OXNAD1: variants seen among roughly 807,000 people sequenced by gnomAD.
OXNAD1 encodes the protein oxidoreductase NAD-binding domain-containing protein 1.
OXNAD1 carries 34 observed loss-of-function variants against 32.9 expected under a neutral mutation model. The observed-to-expected ratio is 1.03, with a 90% CI of 0.79 to 1.38. OXNAD1 has a LOEUF of 1.38. Among genes scored for constraint, OXNAD1 ranks in the 40% most tolerant of loss-of-function variants. The pLI is 0.00. For synonymous variants in OXNAD1, 134 were observed against 135.2 expected, an observed-to-expected ratio of 0.99 and a Z score of 0.06; for missense variants, 407 against 379.4, an observed-to-expected ratio of 1.07 and a Z score of -0.60.
Position 16,320,374 on chromosome 3 carries a change from GTTTCT to G in OXNAD1, c.*31-16731_*31-16727del, listed in dbSNP as rs972224900. ...ACATCCTCGGTGTGCCAATCTTGCA[GTTTCT>G]TTTCTTAAGTTTTAATGCTAGACAT... On this transcript the variant is annotated intron_variant, in intron 9 of 9. Coordinates refer to the OXNAD1 transcript ENST00000435829. This position sits in a 1 kb window ranked among gnomAD's most constrained non-coding sequence, Gnocchi z 4.5. 1.1e-4 allele frequency among the ~76,000 whole-genome samples: 17 copies of G among 152,326 alleles called. No homozygotes were observed. The highest frequency in any genetic ancestry group is 3.4e-3 in the Middle Eastern group (1 of 294).
In OXNAD1 at chr3:16,322,527, G is replaced by GA. The variant is rs1299211179; in HGVS notation, c.*31-14583dup. Among the ~76,000 whole-genome samples, 2 of 152,230 alleles carry GA rather than the reference G, an allele frequency of 1.3e-5. No individual in the cohort carries two copies. Among genetic ancestry groups the GA allele is most frequent in the African/African-American group, 4.8e-5 (2 of 41,462 alleles). On this transcript the variant is annotated intron_variant, in intron 9 of 9. Coordinates refer to the OXNAD1 transcript ENST00000435829. This position sits in a 1 kb window ranked among gnomAD's most constrained non-coding sequence, Gnocchi z 6.2. ...TCAGCCATCAAAGGTGCAGTGAGCT[G>GA]AATCCAGGTGATGCCTGACTCAGGC...
rs2066294394 is a variant in OXNAD1, at chr3:16,289,633, C to T, written c.290+3185C>T. On this transcript the variant is annotated intron_variant, in intron 5 of 8. Transcript: ENST00000285083. This position sits in a 1 kb window ranked among gnomAD's most constrained non-coding sequence, Gnocchi z 4.9. Reference sequence around the variant, plus strand: ...CAACCTACACAAGCATGTGTGGCAGCCCTGATTCTCACAGGACTGCACATA... The same window carrying T: ...CAACCTACACAAGCATGTGTGGCAGTCCTGATTCTCACAGGACTGCACATA... Among the ~76,000 whole-genome samples the T allele has an allele frequency of 6.6e-6, 1 of 152,182 alleles. No homozygotes were observed. The highest frequency in any genetic ancestry group is 6.5e-5 in the Admixed American group (1 of 15,286).
chr3:16,312,481 C>T lies in OXNAD1; in HGVS notation c.*30+8889C>T, dbSNP rs1221352047. Among the ~76,000 whole-genome samples, 2 of 152,222 alleles carry T rather than the reference C, an allele frequency of 1.3e-5. No homozygotes were observed. The highest frequency in any genetic ancestry group is 2.9e-5 in the Non-Finnish European group (2 of 68,042). On this transcript the variant is annotated intron_variant, in intron 9 of 9. Transcript: ENST00000435829. The surrounding 1 kb of genome is among the most constrained non-coding windows in gnomAD (Gnocchi z 4.7). ...GGCCACACACACCAGTCATCCTCAC[C>T]CTTCCCGTCTTGCCAGTCCTTTCAG...
Position 16,321,222 on chromosome 3 carries a change from T to A in OXNAD1, c.*31-15890T>A, listed in dbSNP as rs771915063. 6.6e-6 allele frequency among the ~76,000 whole-genome samples: 1 copy of A among 151,290 alleles called. No individual in the cohort carries two copies. Among genetic ancestry groups the A allele is most frequent in the Non-Finnish European group, 1.5e-5 (1 of 67,824 alleles). On this transcript the variant is annotated intron_variant, in intron 9 of 9. Transcript: ENST00000435829. The surrounding 1 kb of genome is among the most constrained non-coding windows in gnomAD (Gnocchi z 4.8). ...AGCCACAGGATGGATGGAGCTGGAG[T>A]CTTGGGGTGCAGTGAGGGCTGAAAA...
rs2067156183 is a variant in OXNAD1 at position 16,301,174 on chromosome 3, T to TA, written c.433-451dup. 1.3e-5 allele frequency among the ~76,000 whole-genome samples: 2 copies of TA among 152,212 alleles called. No individual in the cohort carries two copies. The highest frequency in any genetic ancestry group is 1.9e-4 in the East Asian group (1 of 5,196). ...AGGATCAAGAAGGAGCACCAGTACT[T>TA]ACACTTTTCAGCCTTGATGAACCCA... On this transcript the variant is annotated intron_variant, in intron 6 of 8. Coordinates refer to ENST00000285083, the MANE Select transcript of OXNAD1 (RefSeq NM_138381.5). The surrounding 1 kb of genome is among the most constrained non-coding windows in gnomAD (Gnocchi z 4.1).
chr3:16,277,852 T>C lies in OXNAD1; in HGVS notation c.183+6130T>C, dbSNP rs2065457694. Among the ~76,000 whole-genome samples, 1 of 152,238 alleles carries C rather than the reference T, an allele frequency of 6.6e-6. No individual in the cohort carries two copies. The highest frequency in any genetic ancestry group is 1.5e-5 in the Non-Finnish European group (1 of 68,042). On this transcript the variant is annotated intron_variant, in intron 4 of 8. Transcript: ENST00000285083. The surrounding 1 kb of genome is among the most constrained non-coding windows in gnomAD (Gnocchi z 4.3). ...AAACTGAACTCTGAATTGAATTACATTGGAATGTTTGTGTTCAAGTTTTAT... is the reference window on the plus strand; with the variant it reads ...AAACTGAACTCTGAATTGAATTACACTGGAATGTTTGTGTTCAAGTTTTAT...
intron 9 of OXNAD1, among the ~76,000 whole-genome samples, chr3:16,324,510 C>T (rs975780481): frequency 6.6e-6 from 1 of 151,786 alleles, no homozygotes; most frequent in Non-Finnish European, 1.5e-5. Context: ...TTAGATTCCA[C>T]GTATGAGAGA....
chr3:16,338,569 T>C (rs959987409), downstream of OXNAD1, among the ~76,000 whole-genome samples: 1 of 152,216 alleles, frequency 6.6e-6, no homozygotes, highest in Non-Finnish European at 1.5e-5. This position sits in a 1 kb window ranked among gnomAD's most constrained non-coding sequence, Gnocchi z 5.3. Context: ...CTTTGTTTGA[T>C]AACAATTAAA....
At position 16,312,061 on chromosome 3, in the gene OXNAD1, C is replaced by T. The variant is rs1478580805; in HGVS notation, c.*30+8469C>T. On this transcript the variant is annotated intron_variant, in intron 9 of 9. Coordinates refer to the OXNAD1 transcript ENST00000435829. This position sits in a 1 kb window ranked among gnomAD's most constrained non-coding sequence, Gnocchi z 4.7. Reference sequence around the variant, plus strand: ...CAAGGGCTGGGGAAGCAAGCACCAGCCAGGTTCAGAGAGCCATTCATCTGC... The same window carrying T: ...CAAGGGCTGGGGAAGCAAGCACCAGTCAGGTTCAGAGAGCCATTCATCTGC... Among the ~76,000 whole-genome samples the T allele has an allele frequency of 6.6e-6, 1 of 152,196 alleles. No individual in the cohort carries two copies. The highest frequency in any genetic ancestry group is 1.5e-5 in the Non-Finnish European group (1 of 68,036).
In OXNAD1 at chr3:16,344,190, T is replaced by C. The variant is rs1201461883; in HGVS notation, c.*31-4986T>C. On this transcript the variant is annotated intron_variant, in intron 9 of 9. Transcript: ENST00000606098. The surrounding 1 kb of genome is among the most constrained non-coding windows in gnomAD (Gnocchi z 4.4). ...GAGCTTAAATACAATTTGTTGATAC[T>C]TAAATGTATTCCTATTACATTTTAT... Among the ~76,000 whole-genome samples, 4 of 152,352 alleles carry C rather than the reference T, an allele frequency of 2.6e-5. No homozygotes were observed. The East Asian group carries it at 7.7e-4, about 29-fold the overall frequency.
intron 6 of OXNAD1, 30 bp downstream of exon 6, chr3:16,295,027 A>G: frequency 6.3e-7 from 1 of 1,578,542 alleles, no homozygotes; most frequent in Non-Finnish European, 8.6e-7. Context: ...AAACGCGATG[A>G]TCTGGGTATC....
rs2065417600 is a variant in OXNAD1 at position 16,277,316 on chromosome 3, C to A, written c.183+5594C>A. ...GGAACTGGAGAAAGCTAGATGGTAT[C>A]TGGCTTTCTCAGCAGTATATGGTCA... On this transcript the variant is annotated intron_variant, in intron 4 of 8. Coordinates refer to ENST00000285083, the MANE Select transcript of OXNAD1 (RefSeq NM_138381.5). The surrounding 1 kb of genome is among the most constrained non-coding windows in gnomAD (Gnocchi z 4.3). Among the ~76,000 whole-genome samples the A allele has an allele frequency of 6.6e-6, 1 of 152,132 alleles. No individual in the cohort carries two copies. Among genetic ancestry groups the A allele is most frequent in the African/African-American group, 2.4e-5 (1 of 41,402 alleles).
rs2068584050 is a variant in OXNAD1 at position 16,317,792 on chromosome 3, C to T, written c.*30+14200C>T. Among the ~76,000 whole-genome samples, 1 of 151,826 alleles carries T rather than the reference C, an allele frequency of 6.6e-6. No individual in the cohort carries two copies. The highest frequency in any genetic ancestry group is 1.5e-5 in the Non-Finnish European group (1 of 68,016). ...TAGGCCGATAGCCCTTTGCTGACCA[C>T]CACCTCACAGAAGGGTCACACCAGG... is the stretch of plus-strand genomic sequence containing the variant. On this transcript the variant is annotated intron_variant, in intron 9 of 9. Coordinates refer to the OXNAD1 transcript ENST00000435829. The surrounding 1 kb of genome is among the most constrained non-coding windows in gnomAD (Gnocchi z 4.3).
chr3:16,342,047 A>G (rs968436463), downstream of OXNAD1, among the ~76,000 whole-genome samples: 4 of 152,204 alleles, frequency 2.6e-5, no homozygotes, highest in Non-Finnish European at 4.4e-5. The surrounding 1 kb of genome is among the most constrained non-coding windows in gnomAD (Gnocchi z 4.0). Context: ...TTATTGATAT[A>G]TAATTGGATA....
chr3:16,351,892 C>T (rs576972861), downstream of OXNAD1, among the ~76,000 whole-genome samples: 131 of 152,002 alleles, frequency 8.6e-4, no homozygotes, highest in Non-Finnish European at 1.2e-3. This position sits in a 1 kb window ranked among gnomAD's most constrained non-coding sequence, Gnocchi z 5.4. Context: ...AAAAAAAAAT[C>T]ATGAAAACAT....
chr3:16,315,210 G>C (rs1473549159), intron 9 of OXNAD1, among the ~76,000 whole-genome samples: 2 of 152,162 alleles, frequency 1.3e-5, no homozygotes, highest in Non-Finnish European at 2.9e-5. Flanking sequence ...CTGCCTCCCA[G>C]GTTCAAGCAA....
chr3:16,314,271 A>G lies in OXNAD1; in HGVS notation c.*30+10679A>G, dbSNP rs6795350. Among the ~76,000 whole-genome samples the G allele has an allele frequency of 0.24, 35,993 of 152,000 alleles. 5,965 individuals are homozygous for G. The highest frequency in any genetic ancestry group is 0.48 in the African/African-American group (19,815 of 41,422). On this transcript the variant is annotated intron_variant, in intron 9 of 9. Transcript: ENST00000435829. The surrounding 1 kb of genome is among the most constrained non-coding windows in gnomAD (Gnocchi z 4.4). ...TATTGGCAATCACAGGGAACTTAAC[A>G]TTTCCTTCAGAAATGCCTCCACTTG...
chr3:16,299,717 G>A lies in OXNAD1; in HGVS notation c.433-1909G>A, dbSNP rs192256829. Among the ~76,000 whole-genome samples, 4 of 152,286 alleles carry A rather than the reference G, an allele frequency of 2.6e-5. No homozygotes were observed. Among genetic ancestry groups the A allele is most frequent in the Admixed American group, 1.3e-4 (2 of 15,294 alleles). ...TAAGGGTTTGGTTCTCAAAAAGCAC[G>A]CGATGTGTTATTACTTCTTAGGAGG... On this transcript the variant is annotated intron_variant, in intron 6 of 8. Transcript: ENST00000285083. This position sits in a 1 kb window ranked among gnomAD's most constrained non-coding sequence, Gnocchi z 4.4.
At chr3:16,281,485 C>A (rs550798611) in intron 4 of OXNAD1, among the ~76,000 whole-genome samples, 1 of 152,018 alleles carries the variant, frequency 6.6e-6, no homozygotes, top group East Asian at 1.9e-4. Context: ...AGATGTTCAA[C>A]CTATAAGTAT....
Sources: gnomAD v4.1 joint callset for allele counts (sites outside exome capture counted in the v4.1 genomes callset) on GRCh38, gnomAD v4.1.1 for gene constraint, Gnocchi (gnomAD v3.1) non-coding constraint, MANE v1.5 for transcripts, NCBI Gene and HGNC (gene_info 2026-07-23, HGNC 2026-07-21) for gene names.